The following KDM4C variants were observed in gnomAD, a reference collection of about 807,000 sequenced individuals.
The protein encoded by KDM4C is lysine-specific demethylase 4C.
Under a neutral mutation model 129.3 loss-of-function variants are expected in KDM4C, and 81 were observed. The ratio of observed to expected loss-of-function variants is 0.63; its 90% confidence interval spans 0.52 to 0.75. KDM4C has a LOEUF of 0.75. Ranked by LOEUF, KDM4C falls within the 30% of genes least tolerant of loss-of-function variation. The probability of loss-of-function intolerance (pLI) is 0.00; values close to 1 mark genes in which losing one functional copy is unlikely to be tolerated. For synonymous variants in KDM4C, 573 were observed against 456.1 expected, an observed-to-expected ratio of 1.26 and a Z score of -3.26; for missense variants, 1,457 against 1,304.0, an observed-to-expected ratio of 1.12 and a Z score of -1.81.
chr9:6,899,396 C>G (rs1041025845), intron 8 of KDM4C, among the ~76,000 whole-genome samples: 2 of 151,970 alleles, frequency 1.3e-5, no homozygotes, highest in African/African-American at 4.8e-5. Flanking sequence ...GCAACCAGAC[C>G]AAAGTCCGTA....
chr9:7,028,855 C>T (rs2132334910), intron 15 of KDM4C, among the ~76,000 whole-genome samples: 1 of 152,238 alleles, frequency 6.6e-6, no homozygotes, highest in Admixed American at 6.5e-5. Context: ...GCACGGAATT[C>T]AGTGCATTCT....
At chr9:6,899,055 T>C (rs540545314) in intron 8 of KDM4C, among the ~76,000 whole-genome samples, 1 of 151,842 alleles carries the variant, frequency 6.6e-6, no homozygotes, top group Non-Finnish European at 1.5e-5. Context: ...TTTTATGTTC[T>C]GCATTTTTTT....
chr9:7,006,064 A>G (rs1176847153), intron 12 of KDM4C, among the ~76,000 whole-genome samples: 5 of 152,274 alleles, frequency 3.3e-5, no homozygotes, highest in Admixed American at 2.6e-4. Context: ...AAAAGCAACG[A>G]AAAATAATCA....
chr9:7,097,092 T>G (rs1162224143), intron 17 of KDM4C, among the ~76,000 whole-genome samples: 1 of 152,208 alleles, frequency 6.6e-6, no homozygotes, highest in Non-Finnish European at 1.5e-5. Flanking sequence ...CACTCCCACA[T>G]GCAGTGGCTG....
At chr9:6,979,356 C>T (rs940939919) in intron 8 of KDM4C, among the ~76,000 whole-genome samples, 4 of 151,958 alleles carry the variant, frequency 2.6e-5, no homozygotes, top group East Asian at 1.9e-4. Context: ...TATTCAGAGC[C>T]GAGGATGAAG....
intron 12 of KDM4C, among the ~76,000 whole-genome samples, chr9:7,006,587 G>A (rs1261048207): frequency 6.6e-6 from 1 of 152,110 alleles, no homozygotes; most frequent in Non-Finnish European, 1.5e-5. Context: ...AGCAGGCTGT[G>A]AATGGCTAAT....
rs1455585708 is a variant in KDM4C at position 7,153,260 on chromosome 9, G to A, written c.2782-11978G>A. ...CCAGCCTTAAAAATAATTTTTAAGT[G>A]TTTGCATTCTTTGCTAATCTCTACA... On this transcript the variant is annotated intron_variant, in intron 19 of 21. Transcript: ENST00000381309. Among the ~76,000 whole-genome samples the A allele has an allele frequency of 2.6e-5, 4 of 152,136 alleles. No homozygotes were observed. The East Asian group carries it at 7.7e-4, about 29-fold the overall frequency.
At chr9:7,153,375 G>T (rs557458730) in intron 19 of KDM4C, among the ~76,000 whole-genome samples, 122 of 152,294 alleles carry the variant, frequency 8.0e-4, no homozygotes, top group Middle Eastern at 6.8e-3. Flanking sequence ...GCTAAGAGCT[G>T]GCCATTCCTC....
intron 5 of KDM4C, among the ~76,000 whole-genome samples, chr9:6,854,970 C>T (rs1250297673): frequency 6.6e-6 from 1 of 152,200 alleles, no homozygotes; most frequent in Non-Finnish European, 1.5e-5. Context: ...ATGGTTTTGG[C>T]ACCCACCTTG....
chr9:6,730,935 T>TTG (rs1365695161), intron 1 of KDM4C, among the ~76,000 whole-genome samples: 1 of 152,200 alleles, frequency 6.6e-6, no homozygotes, highest in East Asian at 1.9e-4. Flanking sequence ...GTTTTCAATC[T>TTG]TGTGTACCTA....
chr9:6,815,302 C>G (rs1444977810), intron 4 of KDM4C, among the ~76,000 whole-genome samples: 2 of 151,864 alleles, frequency 1.3e-5, no homozygotes, highest in Non-Finnish European at 2.9e-5. Context: ...ATTTTAAAAC[C>G]CTAATTCTAA....
intron 15 of KDM4C, among the ~76,000 whole-genome samples, chr9:7,023,658 G>A (rs1825275704): frequency 6.6e-6 from 1 of 151,732 alleles, no homozygotes; most frequent in Non-Finnish European, 1.5e-5. Context: ...CTTCATTATT[G>A]TTTTTCGTCT....
chr9:6,796,434 C>G (rs17509074), intron 2 of KDM4C, among the ~76,000 whole-genome samples: 49,589 of 151,996 alleles, frequency 0.33, 8,925 homozygotes, highest in Non-Finnish European at 0.41. Flanking sequence ...GAATGCAGCC[C>G]TTTGTCCTGT....
At chr9:6,975,593 C>T (rs376954967) in intron 8 of KDM4C, among the ~76,000 whole-genome samples, 6 of 152,106 alleles carry the variant, frequency 3.9e-5, no homozygotes, top group Non-Finnish European at 7.4e-5. Flanking sequence ...ATTTAACAAA[C>T]ATTTTTAAGG....
chr9:6,933,822 T>C (rs1157674864), intron 8 of KDM4C, among the ~76,000 whole-genome samples: 2 of 152,198 alleles, frequency 1.3e-5, no homozygotes, highest in Admixed American at 6.5e-5. Context: ...TTGCATTTTT[T>C]TCCAGGTCTT....
intron 8 of KDM4C, among the ~76,000 whole-genome samples, chr9:6,908,056 A>T (rs1818640960): frequency 6.6e-6 from 1 of 152,216 alleles, no homozygotes; most frequent in Non-Finnish European, 1.5e-5. Context: ...CTAGAGTCTT[A>T]GAAGATATTT....
At chr9:7,104,514 G>A (rs1382380728) in intron 18 of KDM4C, among the ~76,000 whole-genome samples, 1 of 152,162 alleles carries the variant, frequency 6.6e-6, no homozygotes, top group Non-Finnish European at 1.5e-5. Flanking sequence ...TCTGGGAAAA[G>A]TGTTTGCAAC....
chr9:7,055,999 A>T (rs1002209627), intron 17 of KDM4C, among the ~76,000 whole-genome samples: 2 of 152,244 alleles, frequency 1.3e-5, no homozygotes, highest in African/African-American at 4.8e-5. Context: ...AATCAGAAAA[A>T]GTCAGTATGT....
intron 17 of KDM4C, among the ~76,000 whole-genome samples, chr9:7,101,024 G>A (rs1837021697): frequency 6.6e-6 from 1 of 152,002 alleles, no homozygotes; most frequent in South Asian, 2.1e-4. Flanking sequence ...TTGCTGTTTT[G>A]GCTTCATCCT....
Sources: gnomAD v4.1 joint callset for allele counts (sites outside exome capture counted in the v4.1 genomes callset) on GRCh38, gnomAD v4.1.1 for gene constraint, MANE v1.5 for transcripts, NCBI Gene and HGNC (gene_info 2026-07-23, HGNC 2026-07-21) for gene names.